MTRR: variants seen among roughly 807,000 people sequenced by gnomAD.
MTRR encodes the protein 5-methyltetrahydrofolate-homocysteine methyltransferase reductase, also known as methionine synthase reductase.
In MTRR, 63 loss-of-function variants were observed where a neutral mutation model predicts 79.2. The ratio of observed to expected loss-of-function variants is 0.80; its 90% confidence interval spans 0.65 to 0.98. The LOEUF is 0.98. MTRR is among the 50% of genes least tolerant of loss of function. The probability of loss-of-function intolerance (pLI) is 0.00; values close to 1 mark genes in which losing one functional copy is unlikely to be tolerated. For missense variants in MTRR, 895 were observed against 839.6 expected (o/e 1.07, Z -0.82); for synonymous variants, 355 against 313.3 (o/e 1.13, Z -1.41).
intron 2 of MTRR, 95 bp from the exon 3 acceptor site, chr5:7,873,278 T>G (rs1748314776): frequency 6.6e-7 from 1 of 1,507,910 alleles, no homozygotes; most frequent in Non-Finnish European, 9.2e-7. Context: ...AAGATTGAAA[T>G]ACAAGACAGG....
chr5:7,875,408 G>A (rs1324967712), intron 4 of MTRR, 33 bp downstream of exon 4: 5 of 1,475,720 alleles, frequency 3.4e-6, no homozygotes, highest in Middle Eastern at 1.7e-4. Context: ...ACTCCAATAA[G>A]CCCTCTATAC....
At chr5:7,854,084 C>T (rs1346546260) in intron 1 of MTRR, among the ~76,000 whole-genome samples, 1 of 152,030 alleles carries the variant, frequency 6.6e-6, no homozygotes, top group East Asian at 1.9e-4. Flanking sequence ...AAAGTATTTT[C>T]CTATATGATC....
intron 6 of MTRR, 122 bp downstream of exon 6, chr5:7,883,399 G>A (rs752527158): frequency 1.5e-6 from 2 of 1,338,574 alleles, no homozygotes; most frequent in Non-Finnish European, 2.1e-6. Context: ...TGAGTTGTGT[G>A]CGGCTTGGTT....
intron 4 of MTRR, among the ~76,000 whole-genome samples, chr5:7,875,826 C>T (rs774388191): frequency 3.9e-5 from 6 of 152,242 alleles, no homozygotes; most frequent in Admixed American, 1.3e-4. Flanking sequence ...CATTGCTTGG[C>T]GTGCTCTTAC....
At chr5:7,867,766 C>G (rs767484855), upstream of MTRR, 1 of 1,614,194 alleles carries the variant, frequency 6.2e-7, no homozygotes, top group East Asian at 2.2e-5. Context: ...TCAAGTTGCT[C>G]AGTCTCCTGT....
intron 8 of MTRR, among the ~76,000 whole-genome samples, chr5:7,888,878 T>C (rs1164986808): frequency 6.6e-6 from 1 of 152,224 alleles, no homozygotes; most frequent in Non-Finnish European, 1.5e-5. Flanking sequence ...CAGAATTTTA[T>C]TAGTTTTATT....
chr5:7,871,373 G>A (rs1406240417), intron 2 of MTRR, among the ~76,000 whole-genome samples: 1 of 152,182 alleles, frequency 6.6e-6, no homozygotes, highest in South Asian at 2.1e-4. Context: ...AAGTAGTAGT[G>A]TAAGGATCTG....
At chr5:7,867,533 G>A (rs1047724626), upstream of MTRR, 1 of 1,614,236 alleles carries the variant, frequency 6.2e-7, no homozygotes, top group Admixed American at 1.7e-5. Context: ...CAGAATCAGA[G>A]CTTGCAAAGC....
intron 1 of MTRR, chr5:7,861,904 G>T: frequency 1.4e-5 from 7 of 507,930 alleles, no homozygotes; most frequent in Non-Finnish European, 2.1e-5. Context: ...GAAGTTATCT[G>T]GGGTATGACA....
chr5:7,856,830 C>G (rs938864528), intron 1 of MTRR: 1 of 149,340 alleles, frequency 6.7e-6, no homozygotes, highest in Non-Finnish European at 1.5e-5. Flanking sequence ...TATCAAATAT[C>G]TTTCAAGTGT....
intron 2 of MTRR, among the ~76,000 whole-genome samples, chr5:7,863,719 C>G (rs2126601465): frequency 6.6e-6 from 1 of 152,304 alleles, no homozygotes; most frequent in Admixed American, 6.5e-5. Context: ...TGGAAAATAA[C>G]TAAATTAAAC....
Position 7,900,184 on chromosome 5 carries a change from A to G in MTRR, c.*126A>G. 1 of 1,061,764 alleles carries G rather than the reference A, an allele frequency of 9.4e-7. No individual in the cohort carries two copies. The highest frequency in any genetic ancestry group is 1.4e-6 in the Non-Finnish European group (1 of 727,524). The allele number at this position is 1,061,764 out of a possible 1,614,324, so 65.8% of individuals were successfully genotyped here. ...TTTCAACATTTCTTGAAGGACATGG[A>G]GTGGAGATTGGATCATTTAACAATA... On this transcript the variant is annotated 3_prime_UTR_variant, in exon 15 of 15. Coordinates refer to ENST00000440940, the MANE Select transcript of MTRR (RefSeq NM_002454.3).
Position 7,877,924 on chromosome 5 carries a change from C to T in MTRR, c.402-20C>T, listed in dbSNP as rs565590605. ...GAACTTAGGCATTTGTTTTGTTTTT[C>T]GTTTGTTTTTACTGTCCAGTTTAGA... is the stretch of plus-strand genomic sequence containing the variant. On this transcript the variant is annotated intron_variant, in intron 4 of 14. Transcript: ENST00000440940. 76 of 1,609,996 alleles carry T rather than the reference C, an allele frequency of 4.7e-5. No homozygotes were observed. Among genetic ancestry groups the T allele is most frequent in the East Asian group, 4.2e-4 (19 of 44,862 alleles).
intron 1 of MTRR, chr5:7,870,152 C>A: frequency 3.6e-6 from 3 of 828,228 alleles, no homozygotes; most frequent in Non-Finnish European, 4.4e-6. Flanking sequence ...GTTATATGCA[C>A]CCGTTTGTAT....
At chr5:7,866,684 G>A (rs1345055730), upstream of MTRR, 3 of 1,597,138 alleles carry the variant, frequency 1.9e-6, no homozygotes, top group East Asian at 6.7e-5. Flanking sequence ...GAATATTTTT[G>A]CCAGAAAGTT....
At chr5:7,851,034 C>T (rs1210482505), upstream of MTRR, 13 of 1,243,270 alleles carry the variant, frequency 1.0e-5, no homozygotes, top group Non-Finnish European at 1.2e-5. Flanking sequence ...CGCCACCGTC[C>T]AGCGCCCCCG....
intron 1 of MTRR, chr5:7,870,211 A>ACATACTCTCCTT: frequency 2.9e-6 from 1 of 342,822 alleles, no homozygotes; most frequent in Non-Finnish European, 4.2e-6. Context: ...ATAATGAAGG[A>ACATACTCTCCTT]GAGTATGTGC....
rs1252448134 is a variant in MTRR at position 7,894,981 on chromosome 5, A to C, written c.1558-753A>C. Among the ~76,000 whole-genome samples, 4 of 152,194 alleles carry C rather than the reference A, an allele frequency of 2.6e-5. No homozygotes were observed. The East Asian group carries it at 7.7e-4, about 29-fold the overall frequency. On this transcript the variant is annotated intron_variant, in intron 11 of 14. Transcript: ENST00000440940. Reference sequence around the variant, plus strand: ...ACAGCTTTGCCATTCCTTCATTTAAAAGGTATGGTGTTCAGGCTCGTCATT... The same window carrying C: ...ACAGCTTTGCCATTCCTTCATTTAACAGGTATGGTGTTCAGGCTCGTCATT...
upstream of MTRR, chr5:7,869,122 T>C (rs72716536): frequency 0.13 from 207,719 of 1,613,220 alleles, 17,342 homozygotes; most frequent in Admixed American, 0.32. Flanking sequence ...CTATTGGTCC[T>C]GGGTACCGAG....
Sources: allele counts gnomAD v4.1 joint callset (sites outside exome capture counted in the v4.1 genomes callset), GRCh38; gene constraint gnomAD v4.1.1; transcripts MANE v1.5; gene names NCBI Gene and HGNC (gene_info 2026-07-23, HGNC 2026-07-21).